Variants in FAM227B observed in about 807,000 individuals in gnomAD.
FAM227B encodes the protein protein FAM227B.
FAM227B carries 88 observed loss-of-function variants against 73.8 expected under a neutral mutation model. The observed-to-expected ratio is 1.19, with a 90% confidence interval of 1.00 to 1.42. The LOEUF is 1.42. Ranked by LOEUF, FAM227B falls within the 40% of genes most tolerant of loss-of-function variation. The pLI, the probability that FAM227B is intolerant of heterozygous loss-of-function variation, is 0.00. For synonymous variants in FAM227B, 210 were observed against 190.5 expected (o/e 1.10, Z -0.84); for missense variants, 632 against 590.9 (o/e 1.07, Z -0.72).
chr15:49,371,814 T>A, intron 11 of FAM227B, among the ~76,000 whole-genome samples: 1 of 143,986 alleles, frequency 6.9e-6, no homozygotes, highest in African/African-American at 2.5e-5. Context: ...TATAAATAAA[T>A]GAAATAAAAT....
intron 9 of FAM227B, among the ~76,000 whole-genome samples, chr15:49,554,125 CTCTG>C (rs1164486411): frequency 6.6e-6 from 1 of 152,154 alleles, no homozygotes; most frequent in East Asian, 1.9e-4. Context: ...GGCCTCCCAT[CTCTG>C]TCTGATGCCC....
At chr15:49,346,956 A>T (rs73396235) in intron 13 of FAM227B, among the ~76,000 whole-genome samples, 25,504 of 152,234 alleles carry the variant, frequency 0.17, 2,402 homozygotes, top group Non-Finnish European at 0.21. Flanking sequence ...TAGTTTACCC[A>T]ACATCCATGT....
At chr15:49,617,096 GA>G (rs1460809233) in intron 1 of FAM227B, among the ~76,000 whole-genome samples, 1 of 152,118 alleles carries the variant, frequency 6.6e-6, no homozygotes, top group African/African-American at 2.4e-5. Context: ...GCTCTACTAT[GA>G]AGCTGAATGC....
intron 10 of FAM227B, among the ~76,000 whole-genome samples, chr15:49,515,917 A>T (rs1170302549): frequency 6.6e-6 from 1 of 152,146 alleles, no homozygotes; most frequent in Non-Finnish European, 1.5e-5. Context: ...CGTTGCCCTG[A>T]ATCAGCTCAG....
chr15:49,544,932 C>G (rs1471297403), intron 9 of FAM227B, among the ~76,000 whole-genome samples: 2 of 152,046 alleles, frequency 1.3e-5, no homozygotes, highest in African/African-American at 2.4e-5. Flanking sequence ...ATTTTTGCAT[C>G]TATGTTCATC....
intron 10 of FAM227B, among the ~76,000 whole-genome samples, chr15:49,535,812 C>G (rs1417642663): frequency 2.0e-5 from 3 of 151,614 alleles, no homozygotes; most frequent in Non-Finnish European, 4.4e-5. Flanking sequence ...GTTATGATAG[C>G]CTCATGATCA....
chr15:49,604,464 G>T (rs998826628), intron 3 of FAM227B, among the ~76,000 whole-genome samples: 3 of 151,926 alleles, frequency 2.0e-5, no homozygotes, highest in African/African-American at 7.2e-5. Flanking sequence ...TCTTCTTGCT[G>T]CTTTCAAAAT....
chr15:49,556,563 C>G (rs2073709217), intron 9 of FAM227B, among the ~76,000 whole-genome samples: 1 of 152,192 alleles, frequency 6.6e-6, no homozygotes, highest in African/African-American at 2.4e-5. Flanking sequence ...GCACTGTTTG[C>G]CACTGCAAGA....
At chr15:49,416,085 T>G (rs1305827836) in intron 11 of FAM227B, among the ~76,000 whole-genome samples, 1 of 151,916 alleles carries the variant, frequency 6.6e-6, no homozygotes, top group Non-Finnish European at 1.5e-5. Context: ...CACTACTTTT[T>G]CCATTTTTCA....
chr15:49,384,246 T>C (rs927316799), intron 11 of FAM227B, among the ~76,000 whole-genome samples: 70 of 152,088 alleles, frequency 4.6e-4, no homozygotes, highest in African/African-American at 1.4e-3. Context: ...CAAAAAAACT[T>C]TGACTAAGAA....
At chr15:49,366,178 A>G in intron 13 of FAM227B, 1 of 857,854 alleles carries the variant, frequency 1.2e-6, no homozygotes, top group Non-Finnish European at 2.0e-6. Context: ...CCATAGTATA[A>G]TCAAAGTTAG....
intron 13 of FAM227B, among the ~76,000 whole-genome samples, chr15:49,339,722 A>G (rs994784041): frequency 6.6e-6 from 1 of 152,174 alleles, no homozygotes; most frequent in Non-Finnish European, 1.5e-5. Flanking sequence ...AGCTGTGCCT[A>G]CAACCGCCCC....
intron 10 of FAM227B, among the ~76,000 whole-genome samples, chr15:49,522,831 C>G (rs8040436): frequency 0.7 from 106,694 of 151,926 alleles, 37,762 homozygotes; most frequent in East Asian, 0.92. Flanking sequence ...ATTTCTGAGG[C>G]AGAAGAAGAA....
chr15:49,593,552 T>C (rs2076710201), intron 3 of FAM227B, among the ~76,000 whole-genome samples: 2 of 152,156 alleles, frequency 1.3e-5, no homozygotes, highest in South Asian at 2.1e-4. Context: ...CCGAGCAGTA[T>C]ACACTGTACC....
chr15:49,550,437 C>A (rs1005209910), intron 9 of FAM227B, among the ~76,000 whole-genome samples: 6 of 151,974 alleles, frequency 3.9e-5, no homozygotes, highest in African/African-American at 1.4e-4. Context: ...ACGCTCCTCA[C>A]TTCCCAGACG....
chr15:49,544,818 G>A (rs925858735), intron 9 of FAM227B, among the ~76,000 whole-genome samples: 1 of 151,946 alleles, frequency 6.6e-6, no homozygotes, highest in African/African-American at 2.4e-5. Context: ...CATATTGATG[G>A]TATGTTAAAC....
chr15:49,467,434 T>C (rs1016503579), intron 11 of FAM227B, among the ~76,000 whole-genome samples: 1 of 152,178 alleles, frequency 6.6e-6, no homozygotes, highest in East Asian at 1.9e-4. Flanking sequence ...CCTGGTACAT[T>C]TGTATTTTGA....
rs531668222 is a variant in FAM227B, at chr15:49,595,056, T to C, written c.106-5049A>G. ...CGATATTGATTCTACCCACCATGAA[T>C]ATGAGATGTGTTTCCATTTGTTTGT... On this transcript the variant is annotated intron_variant, in intron 3 of 15. Coordinates refer to ENST00000299338, the MANE Select transcript of FAM227B (RefSeq NM_152647.3). Among the ~76,000 whole-genome samples the C allele has an allele frequency of 2.6e-5, 4 of 152,198 alleles. No homozygotes were observed. In the East Asian group the frequency reaches 7.7e-4, roughly 29 times the overall value.
At chr15:49,329,695 C>T in intron 15 of FAM227B, 4 of 974,582 alleles carry the variant, frequency 4.1e-6, no homozygotes, top group Middle Eastern at 5.3e-4. Context: ...ATCCAAAAAT[C>T]TGAAACCTGA....
Sources: gnomAD v4.1 joint callset for allele counts (sites outside exome capture counted in the v4.1 genomes callset) on GRCh38, gnomAD v4.1.1 for gene constraint, MANE v1.5 for transcripts, NCBI Gene and HGNC (gene_info 2026-07-23, HGNC 2026-07-21) for gene names.